The following FSTL5 variants were observed in gnomAD, a reference collection of about 807,000 sequenced individuals.
FSTL5 encodes the protein follistatin-related protein 5.
FSTL5 carries 62 observed loss-of-function variants against 89.1 expected under a neutral mutation model. The ratio of observed to expected loss-of-function variants is 0.70; its 90% CI spans 0.57 to 0.86. The LOEUF (loss-of-function observed/expected upper bound fraction) is 0.86. Ranked by LOEUF, FSTL5 falls within the 40% of genes least tolerant of loss-of-function variation. The pLI, the probability that FSTL5 is intolerant of heterozygous loss-of-function variation, is 0.00. For synonymous variants in FSTL5, 383 were observed against 346.2 expected (o/e 1.11, Z -1.18); for missense variants, 1,057 against 1,001.6 (o/e 1.06, Z -0.75).
intron 2 of FSTL5, among the ~76,000 whole-genome samples, chr4:162,091,481 G>C (rs1170034530): frequency 1.3e-5 from 2 of 152,040 alleles, no homozygotes; most frequent in African/African-American, 2.4e-5. Context: ...GTTTTGGGGT[G>C]GGGGGTTACT....
intron 4 of FSTL5, among the ~76,000 whole-genome samples, chr4:161,846,885 A>G (rs1731386004): frequency 6.6e-6 from 1 of 152,208 alleles, no homozygotes; most frequent in African/African-American, 2.4e-5. Context: ...AAAAATAAAT[A>G]CTTTTGATAA....
intron 6 of FSTL5, among the ~76,000 whole-genome samples, chr4:161,717,759 T>A (rs1739038291): frequency 6.6e-6 from 1 of 152,258 alleles, no homozygotes; most frequent in African/African-American, 2.4e-5. Flanking sequence ...AATGATATTG[T>A]TAAATCATTT....
intron 15 of FSTL5, among the ~76,000 whole-genome samples, chr4:161,434,275 C>T (rs1044443506): frequency 6.6e-6 from 1 of 151,874 alleles, no homozygotes; most frequent in African/African-American, 2.4e-5. Flanking sequence ...AAGTCATTTT[C>T]AACAAAGGTG....
chr4:161,616,520 C>CT (rs1287450461), intron 7 of FSTL5, among the ~76,000 whole-genome samples: 3 of 152,188 alleles, frequency 2.0e-5, no homozygotes, highest in African/African-American at 7.2e-5. Context: ...GGGACTCAGA[C>CT]TGGCTTCCTT....
intron 7 of FSTL5, among the ~76,000 whole-genome samples, chr4:161,648,391 A>G (rs1440386618): frequency 6.6e-6 from 1 of 152,150 alleles, no homozygotes; most frequent in African/African-American, 2.4e-5. Flanking sequence ...GCGGGGCATG[A>G]AGAAGTGAGC....
At chr4:162,094,777 G>A (rs1033968604) in intron 2 of FSTL5, among the ~76,000 whole-genome samples, 4 of 152,094 alleles carry the variant, frequency 2.6e-5, no homozygotes, top group Non-Finnish European at 4.4e-5. Context: ...CTGAATTACA[G>A]GAGATATTTT....
intron 6 of FSTL5, among the ~76,000 whole-genome samples, chr4:161,680,088 A>G (rs2126707581): frequency 6.6e-6 from 1 of 151,874 alleles, no homozygotes; most frequent in East Asian, 1.9e-4. Flanking sequence ...TTATACCAAG[A>G]TAATTGAAAG....
chr4:161,850,870 G>A (rs1579140856), intron 4 of FSTL5, among the ~76,000 whole-genome samples: 2 of 152,284 alleles, frequency 1.3e-5, no homozygotes, highest in African/African-American at 4.8e-5. Context: ...CTTTTGCAGG[G>A]ACATGGATGG....
At chr4:161,648,215 T>C (rs1458494229) in intron 7 of FSTL5, among the ~76,000 whole-genome samples, 1 of 152,164 alleles carries the variant, frequency 6.6e-6, no homozygotes, top group East Asian at 1.9e-4. Flanking sequence ...TTGAGCTGGT[T>C]AACACAAGCC....
intron 4 of FSTL5, among the ~76,000 whole-genome samples, chr4:161,815,520 C>T (rs867067221): frequency 6.6e-6 from 1 of 151,978 alleles, no homozygotes; most frequent in Admixed American, 6.6e-5. Flanking sequence ...TACAGACAGC[C>T]TTAATTTTCT....
intron 15 of FSTL5, among the ~76,000 whole-genome samples, chr4:161,399,635 C>T (rs925236555): frequency 1.3e-5 from 2 of 151,966 alleles, no homozygotes; most frequent in Non-Finnish European, 1.5e-5. Context: ...TTGTAAGCGT[C>T]TCATAATGTT....
At chr4:161,749,833 AAAT>A (rs1288452856) in intron 6 of FSTL5, among the ~76,000 whole-genome samples, 3 of 151,368 alleles carry the variant, frequency 2.0e-5, no homozygotes, top group Non-Finnish European at 4.4e-5. Context: ...ATAATAATAA[AAAT>A]AATAGGCTCT....
chr4:161,974,274 G>A (rs995531891), intron 3 of FSTL5, among the ~76,000 whole-genome samples: 1 of 152,008 alleles, frequency 6.6e-6, no homozygotes, highest in East Asian at 1.9e-4. Flanking sequence ...AGTTCACATG[G>A]AACCAAAAAA....
At chr4:161,708,265 C>T (rs1210979086) in intron 6 of FSTL5, among the ~76,000 whole-genome samples, 1 of 151,944 alleles carries the variant, frequency 6.6e-6, no homozygotes, top group Non-Finnish European at 1.5e-5. Flanking sequence ...TACTTTTAAG[C>T]TTTTATAACA....
At chr4:162,105,624 T>G (rs1397371191) in intron 2 of FSTL5, among the ~76,000 whole-genome samples, 1 of 152,112 alleles carries the variant, frequency 6.6e-6, no homozygotes, top group East Asian at 1.9e-4. Context: ...ATAATTTATT[T>G]TATTAGAAAA....
chr4:161,411,092 A>G (rs531914846), intron 15 of FSTL5, among the ~76,000 whole-genome samples: 4 of 150,184 alleles, frequency 2.7e-5, no homozygotes, highest in Admixed American at 1.4e-4. Flanking sequence ...TCTAGAAGAA[A>G]TGAATAAATT....
At chr4:161,958,744 C>T (rs572415125) in intron 3 of FSTL5, among the ~76,000 whole-genome samples, 4 of 152,060 alleles carry the variant, frequency 2.6e-5, no homozygotes, top group African/African-American at 7.2e-5. Context: ...GCTTATGCTG[C>T]GCAGTGCAAT....
At chr4:161,686,333 TATATATATATATA>T (rs1473828714) in intron 6 of FSTL5, among the ~76,000 whole-genome samples, 150 of 8,704 alleles carry the variant, frequency 0.017, 2 homozygotes, top group East Asian at 0.023. Context: ...TATATATATA[TATATATATATATA>T]TTTTTTTTTT....
At position 162,111,317 on chromosome 4, in the gene FSTL5, C is replaced by G; in HGVS notation, c.80G>C (p.Gly27Ala). 2 of 1,611,758 alleles carry G rather than the reference C, an allele frequency of 1.2e-6. No homozygotes were observed. The highest frequency in any genetic ancestry group is 1.7e-5 in the Admixed American group (1 of 59,972). The change falls in exon 2 of 16, where the codon GGA (glycine) becomes GCA (alanine). Residue 27 changes from glycine (G) to alanine (A), a missense_variant. Transcript: ENST00000306100. The part of the protein sequence containing the change: ...ESEGRPTKEG[G>A]YGLKSYQPLM... ...AGGCTGATAGGATTTAAGGCCATAT[C>G]CTCCTTCTTTGGTTGGCCTTCCTTC... is the stretch of plus-strand genomic sequence containing the variant.
Sources: gnomAD v4.1 joint callset for allele counts (sites outside exome capture counted in the v4.1 genomes callset) on GRCh38, gnomAD v4.1.1 for gene constraint, MANE v1.5 for transcripts, NCBI Gene and HGNC (gene_info 2026-07-23, HGNC 2026-07-21) for gene names.